Variants in HOMER2 observed in about 807,000 individuals in gnomAD.
HOMER2 encodes the protein homer scaffold protein 2.
Under a neutral mutation model 47.0 loss-of-function variants are expected in HOMER2, and 27 were observed. The ratio of observed to expected loss-of-function variants is 0.57; its 90% CI spans 0.42 to 0.79. The LOEUF (loss-of-function observed/expected upper bound fraction) is 0.79. Ranked by LOEUF, HOMER2 falls within the 30% of genes least tolerant of loss-of-function variation. HOMER2 has a pLI of 0.00. For synonymous variants in HOMER2, 161 were observed against 163.8 expected, an observed-to-expected ratio of 0.98 and a Z score of 0.13; for missense variants, 443 against 435.0, an observed-to-expected ratio of 1.02 and a Z score of -0.16.
chr15:82,845,220 AC>A (rs2051223411), downstream of HOMER2: 1 of 28,018 alleles, frequency 3.6e-5, no homozygotes, highest in Non-Finnish European at 7.5e-5. Flanking sequence ...CTGTTTCTTC[AC>A]ACACACACAC....
chr15:82,878,457 C>T (rs1319457095), intron 2 of HOMER2, among the ~76,000 whole-genome samples: 3 of 152,200 alleles, frequency 2.0e-5, no homozygotes, highest in Admixed American at 6.5e-5. Flanking sequence ...AAAGCAACAA[C>T]GGACTGATTT....
At chr15:82,972,299 C>T (rs2030019933) in intron 1 of HOMER2, among the ~76,000 whole-genome samples, 1 of 152,206 alleles carries the variant, frequency 6.6e-6, no homozygotes, top group Non-Finnish European at 1.5e-5. Context: ...AGAACTCCTG[C>T]ACCTCTACCT....
intron 1 of HOMER2, among the ~76,000 whole-genome samples, chr15:82,915,043 T>C (rs1241019455): frequency 2.0e-5 from 3 of 151,772 alleles, no homozygotes; most frequent in Admixed American, 6.6e-5. Context: ...TGTGATGGTG[T>C]GTGCCTGTAG....
chr15:82,964,273 C>G (rs1223792040), intron 1 of HOMER2, among the ~76,000 whole-genome samples: 12 of 152,182 alleles, frequency 7.9e-5, no homozygotes, highest in Non-Finnish European at 1.8e-4. Context: ...CCAGCGCGTC[C>G]CCCTGCCTAC....
intron 3 of HOMER2, among the ~76,000 whole-genome samples, chr15:82,868,093 A>G (rs1210636286): frequency 1.3e-5 from 2 of 152,160 alleles, no homozygotes; most frequent in Non-Finnish European, 2.9e-5. Flanking sequence ...TTAGAAAAAA[A>G]TATTTTTTTC....
At chr15:82,950,948 G>T (rs947967558) in intron 1 of HOMER2, among the ~76,000 whole-genome samples, 4 of 152,140 alleles carry the variant, frequency 2.6e-5, no homozygotes, top group Non-Finnish European at 5.9e-5. Context: ...CAGGGGGAGG[G>T]AGGGCCAGAA....
intron 1 of HOMER2, among the ~76,000 whole-genome samples, chr15:82,933,835 A>G (rs764763538): frequency 2.0e-5 from 3 of 152,078 alleles, no homozygotes; most frequent in Non-Finnish European, 4.4e-5. Context: ...AGTCTCTCTC[A>G]CACTCACGAA....
intron 1 of HOMER2, among the ~76,000 whole-genome samples, chr15:82,964,819 T>A (rs2054659025): frequency 6.6e-6 from 1 of 152,154 alleles, no homozygotes. Flanking sequence ...TCCCTATTTA[T>A]CTTCACTTCA....
intron 1 of HOMER2, among the ~76,000 whole-genome samples, chr15:82,975,076 A>C (rs2030157642): frequency 6.6e-6 from 1 of 152,212 alleles, no homozygotes; most frequent in Non-Finnish European, 1.5e-5. Flanking sequence ...AAAAAGAAAA[A>C]AAAGACACAC....
At position 82,880,016 on chromosome 15, in the gene HOMER2, T is replaced by C. The variant is rs140666340; in HGVS notation, c.163-4612A>G. On this transcript the variant is annotated intron_variant, in intron 2 of 8. Transcript: ENST00000450735. ...AAGAAGGAAGTTACAAAAGAACACA[T>C]ACATTATGAGTCTCTAGTATGATTC... Among the ~76,000 whole-genome samples, 16 of 152,064 alleles carry C rather than the reference T, an allele frequency of 1.1e-4. No homozygotes were observed. The East Asian group carries it at 2.9e-3, about 28-fold the overall frequency.
chr15:82,962,863 G>C (rs1027193167), intron 1 of HOMER2, among the ~76,000 whole-genome samples: 3 of 152,124 alleles, frequency 2.0e-5, no homozygotes, highest in African/African-American at 7.2e-5. Context: ...AAACAAGAGG[G>C]GTAAAGCTAA....
exon 2 of HOMER2, chr15:82,842,859 G>C (rs1034752221): frequency 2.6e-5 from 4 of 152,036 alleles, no homozygotes; most frequent in African/African-American, 9.7e-5. Context: ...AACAGTGTTG[G>C]GGTAATTTAG....
At chr15:82,952,403 T>C in intron 1 of HOMER2, 128 bp downstream of exon 1, 1 of 634,366 alleles carries the variant, frequency 1.6e-6, no homozygotes, top group Non-Finnish European at 2.2e-6. Flanking sequence ...GCGCAGAGTG[T>C]GCGCTCGCTC....
intron 3 of HOMER2, among the ~76,000 whole-genome samples, chr15:82,869,398 A>G (rs987560891): frequency 6.6e-6 from 1 of 152,002 alleles, no homozygotes; most frequent in Non-Finnish European, 1.5e-5. Flanking sequence ...TTTTGAAATA[A>G]ACAATATGAT....
chr15:82,967,143 A>G (rs1202014575), intron 1 of HOMER2, among the ~76,000 whole-genome samples: 1 of 152,128 alleles, frequency 6.6e-6, no homozygotes, highest in Non-Finnish European at 1.5e-5. Flanking sequence ...GCTACTTGGG[A>G]GGCTGAGGCA....
At chr15:82,952,745 C>T, upstream of HOMER2, 1 of 976,534 alleles carries the variant, frequency 1.0e-6, no homozygotes, top group Non-Finnish European at 1.2e-6. Context: ...TGGGCGGCCG[C>T]GCTGGGGCGG....
intron 1 of HOMER2, 51 bp downstream of exon 1, chr15:82,952,480 G>T: frequency 8.7e-7 from 1 of 1,142,992 alleles, no homozygotes; most frequent in Non-Finnish European, 1.1e-6. Context: ...CCGCGGCCCC[G>T]CAGTCCCTCC....
At chr15:82,947,807 TTTA>T (rs1472390742) in intron 1 of HOMER2, among the ~76,000 whole-genome samples, 1 of 152,174 alleles carries the variant, frequency 6.6e-6, no homozygotes. Flanking sequence ...TTAAAAATTA[TTTA>T]CTGGAGGCCT....
upstream of HOMER2, among the ~76,000 whole-genome samples, chr15:82,954,459 A>AT (rs2054565869): frequency 1.2e-3 from 147 of 124,602 alleles, no homozygotes; most frequent in African/African-American, 3.8e-3. Context: ...CACCACGCCC[A>AT]GTTTTTTTTT....
Sources: allele counts gnomAD v4.1 joint callset (sites outside exome capture counted in the v4.1 genomes callset), GRCh38; gene constraint gnomAD v4.1.1; transcripts MANE v1.5; gene names NCBI Gene and HGNC (gene_info 2026-07-23, HGNC 2026-07-21).